The following POU6F2 variants were observed in gnomAD, a reference collection of about 807,000 sequenced individuals.
POU6F2 encodes the protein POU domain, class 6, transcription factor 2.
Under a neutral mutation model 71.3 loss-of-function variants are expected in POU6F2, and 31 were observed. The ratio of observed to expected loss-of-function variants is 0.43; its 90% CI spans 0.33 to 0.59. The LOEUF is 0.59. POU6F2 is among the 20% of genes least tolerant of loss of function. POU6F2 has a pLI of 0.04. For synonymous variants in POU6F2, 347 were observed against 355.7 expected, an observed-to-expected ratio of 0.98 and a Z score of 0.27; for missense variants, 783 against 856.8, an observed-to-expected ratio of 0.91 and a Z score of 1.07.
At chr7:39,069,404 G>C (rs1301124965) in intron 1 of POU6F2, among the ~76,000 whole-genome samples, 1 of 152,220 alleles carries the variant, frequency 6.6e-6, no homozygotes, top group Non-Finnish European at 1.5e-5. Flanking sequence ...CATGCCCGGA[G>C]AGTCCCGCAG....
chr7:39,272,518 A>C (rs1036423705), intron 4 of POU6F2, among the ~76,000 whole-genome samples: 2 of 152,222 alleles, frequency 1.3e-5, no homozygotes, highest in Non-Finnish European at 2.9e-5. Flanking sequence ...CTGAAAAAAA[A>C]CAAAAACACC....
chr7:38,998,318 TA>T (rs1201672591), intron 1 of POU6F2, among the ~76,000 whole-genome samples: 1 of 152,184 alleles, frequency 6.6e-6, no homozygotes, highest in Non-Finnish European at 1.5e-5. Flanking sequence ...CTCTATCAGG[TA>T]CATTCTAGTT....
chr7:39,401,442 G>A (rs935511924), intron 5 of POU6F2, among the ~76,000 whole-genome samples: 2 of 152,182 alleles, frequency 1.3e-5, no homozygotes, highest in African/African-American at 4.8e-5. Flanking sequence ...GGAAAATTTA[G>A]TAGGATAAAA....
At position 39,350,337 on chromosome 7, in the gene POU6F2, G is replaced by T. The variant is rs143554770; in HGVS notation, c.972+10322G>T. On this transcript the variant is annotated intron_variant, in intron 5 of 9. Coordinates refer to ENST00000518318, the MANE Select transcript of POU6F2 (RefSeq NM_001370959.1). ...AGAACAAAGCAACATTTAGGGGTCCGGGGAGAAGATTTAAGAGAAACCCTC... is the reference window on the plus strand; with the variant it reads ...AGAACAAAGCAACATTTAGGGGTCCTGGGAGAAGATTTAAGAGAAACCCTC... Among the ~76,000 whole-genome samples, 73 of 152,146 alleles carry T rather than the reference G, an allele frequency of 4.8e-4. 1 individual carries two copies. In the East Asian group the frequency reaches 0.013, roughly 26 times the overall value.
At position 39,076,021 on chromosome 7, in the gene POU6F2, G is replaced by A. The variant is rs561496438; in HGVS notation, c.106-9839G>A. Among the ~76,000 whole-genome samples the A allele has an allele frequency of 3.3e-5, 5 of 152,334 alleles. No homozygotes were observed. In the South Asian group the frequency reaches 8.3e-4, roughly 25 times the overall value. ...CTGGAAGCAGCATATGGGTCAGTAT[G>A]TATGTGTGTGCAGAGTCAGAGAGGT... On this transcript the variant is annotated intron_variant, in intron 1 of 9. Coordinates refer to ENST00000518318, the MANE Select transcript of POU6F2 (RefSeq NM_001370959.1).
chr7:39,326,982 T>C (rs1207230677), intron 4 of POU6F2, among the ~76,000 whole-genome samples: 1 of 152,178 alleles, frequency 6.6e-6, no homozygotes, highest in Non-Finnish European at 1.5e-5. Context: ...GAAAACTGCA[T>C]TTATTAAGAA....
intron 6 of POU6F2, among the ~76,000 whole-genome samples, chr7:39,430,829 A>T (rs1006597240): frequency 9.9e-5 from 15 of 152,084 alleles, no homozygotes; most frequent in African/African-American, 3.6e-4. Context: ...GCTCAGGCTG[A>T]TAGGATGAAA....
chr7:39,203,082 A>G (rs1415480963), intron 2 of POU6F2, among the ~76,000 whole-genome samples: 1 of 152,224 alleles, frequency 6.6e-6, no homozygotes, highest in Non-Finnish European at 1.5e-5. Context: ...TGTAGCAGTC[A>G]ATTTTATTTG....
chr7:39,054,051 G>A (rs775709457), intron 1 of POU6F2, among the ~76,000 whole-genome samples: 2 of 151,690 alleles, frequency 1.3e-5, no homozygotes, highest in South Asian at 2.1e-4. Context: ...GCAGTGAGCC[G>A]AGATCATGCC....
At chr7:39,250,339 G>C (rs538478752) in intron 4 of POU6F2, among the ~76,000 whole-genome samples, 9 of 152,062 alleles carry the variant, frequency 5.9e-5, no homozygotes, top group Non-Finnish European at 1.3e-4. Context: ...TGTTCTGTTG[G>C]GGATGTCATT....
intron 7 of POU6F2, among the ~76,000 whole-genome samples, chr7:39,450,153 G>C (rs1334699489): frequency 6.6e-6 from 1 of 152,116 alleles, no homozygotes; most frequent in Admixed American, 6.5e-5. Flanking sequence ...CACACACTGG[G>C]AAAGCAGTGA....
chr7:38,990,852 CTT>C (rs1367389304), intron 1 of POU6F2, among the ~76,000 whole-genome samples: 3 of 152,068 alleles, frequency 2.0e-5, no homozygotes, highest in Non-Finnish European at 2.9e-5. Context: ...TGGGTTGAAT[CTT>C]TTGAGAGGGA....
At chr7:39,347,402 C>G (rs1380796184) in intron 5 of POU6F2, among the ~76,000 whole-genome samples, 1 of 152,088 alleles carries the variant, frequency 6.6e-6, no homozygotes, top group Non-Finnish European at 1.5e-5. Context: ...GTAGCGTCAT[C>G]CTGAGTCAGA....
intron 1 of POU6F2, among the ~76,000 whole-genome samples, chr7:39,026,864 AAC>A (rs1789817483): frequency 6.6e-6 from 1 of 152,106 alleles, no homozygotes; most frequent in Non-Finnish European, 1.5e-5. Context: ...ATGATGGAGT[AAC>A]CTAGGTTGGA....
At chr7:39,259,817 C>T (rs922522225) in intron 4 of POU6F2, among the ~76,000 whole-genome samples, 1 of 152,102 alleles carries the variant, frequency 6.6e-6, no homozygotes, top group African/African-American at 2.4e-5. Flanking sequence ...TGAGCCTGCC[C>T]CAGCTCTCAG....
intron 4 of POU6F2, among the ~76,000 whole-genome samples, chr7:39,231,184 C>G (rs945752120): frequency 6.6e-6 from 1 of 152,080 alleles, no homozygotes; most frequent in Non-Finnish European, 1.5e-5. Flanking sequence ...GGTAAAGAAG[C>G]CTAATTGACT....
intron 4 of POU6F2, among the ~76,000 whole-genome samples, chr7:39,320,910 G>A (rs577154454): frequency 6.6e-6 from 1 of 152,016 alleles, no homozygotes; most frequent in East Asian, 1.9e-4. Context: ...TAAAAAATTA[G>A]CCAGGCATGG....
chr7:39,366,619 G>A (rs563421515), intron 5 of POU6F2, among the ~76,000 whole-genome samples: 3 of 152,172 alleles, frequency 2.0e-5, no homozygotes, highest in Admixed American at 6.5e-5. Flanking sequence ...CTAGGAGCGG[G>A]TAGGGAACAG....
chr7:38,990,653 G>A (rs191420588), intron 1 of POU6F2, among the ~76,000 whole-genome samples: 20 of 152,198 alleles, frequency 1.3e-4, no homozygotes, highest in Middle Eastern at 3.4e-3. Flanking sequence ...AGACAGCGTT[G>A]TTCTTTTTCT....
Sources: gnomAD v4.1 joint callset for allele counts (sites outside exome capture counted in the v4.1 genomes callset) on GRCh38, gnomAD v4.1.1 for gene constraint, MANE v1.5 for transcripts, NCBI Gene and HGNC (gene_info 2026-07-23, HGNC 2026-07-21) for gene names.